The following ATP13A4 variants were observed in gnomAD, a reference collection of about 807,000 sequenced individuals.
The protein encoded by ATP13A4 is probable cation-transporting ATPase 13A4.
In ATP13A4, 114 loss-of-function variants were observed where a neutral mutation model predicts 142.5. That is an observed-to-expected ratio of 0.80 (90% CI 0.69 to 0.93). The LOEUF (loss-of-function observed/expected upper bound fraction) is 0.93. ATP13A4 is among the 40% of genes least tolerant of loss of function. ATP13A4 has a pLI of 0.00. For synonymous variants in ATP13A4, 488 were observed against 514.8 expected (o/e 0.95, Z 0.70); for missense variants, 1,392 against 1,454.0 (o/e 0.96, Z 0.69).
chr3:193,508,560 G>A (rs1338880950), intron 2 of ATP13A4, among the ~76,000 whole-genome samples: 5 of 152,122 alleles, frequency 3.3e-5, no homozygotes, highest in African/African-American at 1.2e-4. Flanking sequence ...TTGTTAAATC[G>A]TAATATAAAT....
At chr3:193,591,809 T>C (rs1724801192) in intron 1 of ATP13A4, among the ~76,000 whole-genome samples, 1 of 152,234 alleles carries the variant, frequency 6.6e-6, no homozygotes, top group Non-Finnish European at 1.5e-5. Context: ...GTTGTTGTTG[T>C]TAAAGTCTCT....
At chr3:193,518,817 C>T (rs1577044602) in intron 1 of ATP13A4, among the ~76,000 whole-genome samples, 1 of 152,076 alleles carries the variant, frequency 6.6e-6, no homozygotes, top group Admixed American at 6.6e-5. Flanking sequence ...TCTTTTTTCC[C>T]CAACACTGAG....
intron 8 of ATP13A4, among the ~76,000 whole-genome samples, chr3:193,473,015 C>T (rs527527226): frequency 6.6e-6 from 1 of 152,326 alleles, no homozygotes; most frequent in East Asian, 1.9e-4. Flanking sequence ...CTTGTTTATA[C>T]ACCAATAGTA....
At chr3:193,511,342 C>A (rs1300069842) in intron 2 of ATP13A4, among the ~76,000 whole-genome samples, 1 of 152,144 alleles carries the variant, frequency 6.6e-6, no homozygotes. Context: ...CAGTATATGT[C>A]CATTTGCAAA....
At chr3:193,427,811 A>G (rs1455803163) in intron 25 of ATP13A4, among the ~76,000 whole-genome samples, 3 of 152,170 alleles carry the variant, frequency 2.0e-5, no homozygotes, top group East Asian at 1.9e-4. Flanking sequence ...AAAGACTTAA[A>G]TGTTAGACCT....
intron 2 of ATP13A4, among the ~76,000 whole-genome samples, chr3:193,567,247 C>T (rs1299862666): frequency 6.6e-6 from 1 of 152,050 alleles, no homozygotes; most frequent in Non-Finnish European, 1.5e-5. Flanking sequence ...TCCATGGATG[C>T]ATAAACCAAA....
chr3:193,549,433 T>TAG (rs374646368), intron 1 of ATP13A4, among the ~76,000 whole-genome samples: 1,488 of 136,696 alleles, frequency 0.011, 13 homozygotes, highest in South Asian at 0.024. Context: ...TATATATATA[T>TAG]AGAGAGAGAG....
At chr3:193,403,099 G>C (rs1258001059) in intron 29 of ATP13A4, among the ~76,000 whole-genome samples, 11 of 152,102 alleles carry the variant, frequency 7.2e-5, no homozygotes, top group Non-Finnish European at 1.6e-4. Context: ...CAAGACTCTG[G>C]GAACATAACT....
intron 10 of ATP13A4, among the ~76,000 whole-genome samples, chr3:193,466,944 A>G (rs749681616): frequency 1.3e-5 from 2 of 152,220 alleles, no homozygotes; most frequent in African/African-American, 4.8e-5. Context: ...GGTCCAAAAA[A>G]AAATGGAAAG....
intron 1 of ATP13A4, among the ~76,000 whole-genome samples, chr3:193,537,623 G>A (rs891676467): frequency 5.3e-5 from 8 of 152,164 alleles, no homozygotes; most frequent in African/African-American, 1.9e-4. Flanking sequence ...ACTTTGCTTT[G>A]TGAAAGAGCC....
chr3:193,474,336 A>AC (rs1215095809), intron 8 of ATP13A4, among the ~76,000 whole-genome samples: 3 of 148,096 alleles, frequency 2.0e-5, no homozygotes, highest in Non-Finnish European at 3.0e-5. Flanking sequence ...AAAAAAAAAA[A>AC]AAAAAAAAAA....
chr3:193,449,953 C>T (rs563440570), intron 17 of ATP13A4, among the ~76,000 whole-genome samples: 7 of 152,024 alleles, frequency 4.6e-5, no homozygotes, highest in Admixed American at 2.6e-4. Flanking sequence ...AATCCCATCC[C>T]TACTAAAAAT....
rs146424837 is a variant in ATP13A4, at chr3:193,523,209, C to T, written c.61-8338G>A. On this transcript the variant is annotated intron_variant, in intron 1 of 29. Transcript: ENST00000342695. Reference sequence around the variant, plus strand: ...ATCCCAGCTACTCAGGCAGCTGAGACAGGAGAATCACATGAACCTGGGAAG... The same window carrying T: ...ATCCCAGCTACTCAGGCAGCTGAGATAGGAGAATCACATGAACCTGGGAAG... Among the ~76,000 whole-genome samples, 840 of 151,688 alleles carry T rather than the reference C, an allele frequency of 5.5e-3. 14 individuals are homozygous for T. Among genetic ancestry groups the T allele is most frequent in the African/African-American group, 0.019 (791 of 41,322 alleles).
chr3:193,485,451 G>T (rs939692347), intron 7 of ATP13A4, among the ~76,000 whole-genome samples: 1 of 152,134 alleles, frequency 6.6e-6, no homozygotes, highest in Admixed American at 6.5e-5. Flanking sequence ...GGTGTTAATT[G>T]CCTTTTAGCA....
intron 1 of ATP13A4, among the ~76,000 whole-genome samples, chr3:193,588,100 T>C (rs972511486): frequency 1.1e-4 from 17 of 152,098 alleles, no homozygotes; most frequent in Admixed American, 6.6e-4. Context: ...ACCACTGCAC[T>C]CTAGCCTGGG....
Position 193,402,759 on chromosome 3 carries a change from G to A in ATP13A4, c.3484C>T (p.Pro1162Ser), listed in dbSNP as rs1473769950. 6.2e-7 allele frequency: 1 copy of A among 1,613,462 alleles called. No homozygotes were observed. The highest frequency in any genetic ancestry group is 8.5e-7 in the Non-Finnish European group (1 of 1,179,580). Residue 1162 changes from proline (P) to serine (S), a missense_variant, in exon 30 of 30, where the codon CCT (proline) becomes TCT (serine). Physicochemically the swap from Pro to Ser is moderately conservative, Grantham distance 74. Transcript: ENST00000342695. Reference protein sequence around the residue: ...RIWQRDLANDPSWPPLNQTSH... With the variant: ...RIWQRDLANDSSWPPLNQTSH... ...GTTTGGTTTAGCGGGGGCCAACTAG[G>A]GTCATTTGCCAAGTCCCTCTGCCAT...
intron 18 of ATP13A4, among the ~76,000 whole-genome samples, chr3:193,445,841 G>T (rs923350329): frequency 6.6e-6 from 1 of 151,900 alleles, no homozygotes; most frequent in South Asian, 2.1e-4. Context: ...AGAACTGAAC[G>T]ATTCAACTTA....
chr3:193,449,103 G>T, intron 17 of ATP13A4, among the ~76,000 whole-genome samples: 1 of 152,304 alleles, frequency 6.6e-6, no homozygotes, highest in Admixed American at 6.5e-5. Context: ...TCTCTATTCA[G>T]GTAAAGCTCA....
At chr3:193,428,207 C>T (rs1341712630) in intron 25 of ATP13A4, among the ~76,000 whole-genome samples, 5 of 151,778 alleles carry the variant, frequency 3.3e-5, no homozygotes, top group African/African-American at 9.7e-5. Flanking sequence ...TCATCACTGG[C>T]CATCAGAGAA....
Sources: allele counts gnomAD v4.1 joint callset (sites outside exome capture counted in the v4.1 genomes callset), GRCh38; gene constraint gnomAD v4.1.1; transcripts MANE v1.5; gene names NCBI Gene and HGNC (gene_info 2026-07-23, HGNC 2026-07-21).